The following CTNNA3 variants were observed in gnomAD, a reference collection of about 807,000 sequenced individuals.
CTNNA3 encodes catenin alpha-3.
A neutral mutation model predicts 95.7 loss-of-function variants in CTNNA3; 76 were observed. The ratio of observed to expected loss-of-function variants is 0.79; its 90% confidence interval spans 0.66 to 0.96. The LOEUF is 0.96. Ranked by LOEUF, CTNNA3 falls within the 40% of genes least tolerant of loss-of-function variation. The probability of loss-of-function intolerance (pLI) is 0.00; values close to 1 mark genes in which losing one functional copy is unlikely to be tolerated. For synonymous variants in CTNNA3, 431 were observed against 374.4 expected, an observed-to-expected ratio of 1.15 and a Z score of -1.74; for missense variants, 1,191 against 1,089.8, an observed-to-expected ratio of 1.09 and a Z score of -1.31.
intron 5 of CTNNA3, among the ~76,000 whole-genome samples, chr10:67,307,621 C>T (rs1332209261): frequency 6.6e-6 from 1 of 152,136 alleles, no homozygotes; most frequent in African/African-American, 2.4e-5. Flanking sequence ...GAAGACTATC[C>T]TTGAAAAGCT....
At chr10:66,911,881 G>A (rs1846237066) in intron 7 of CTNNA3, among the ~76,000 whole-genome samples, 1 of 152,070 alleles carries the variant, frequency 6.6e-6, no homozygotes, top group Non-Finnish European at 1.5e-5. Flanking sequence ...TAAGAATCAG[G>A]ACTAATGGCC....
At chr10:66,336,806 T>G (rs57126226) in intron 12 of CTNNA3, among the ~76,000 whole-genome samples, 56 of 152,218 alleles carry the variant, frequency 3.7e-4, no homozygotes, top group African/African-American at 1.3e-3. Context: ...ATAGCAATGC[T>G]TCTCAAAGAG....
At chr10:67,036,077 T>A (rs566845000) in intron 7 of CTNNA3, among the ~76,000 whole-genome samples, 1 of 152,330 alleles carries the variant, frequency 6.6e-6, no homozygotes, top group South Asian at 2.1e-4. Flanking sequence ...TGACCTTATT[T>A]CTATTAGAGA....
chr10:66,346,232 TATATATATATATATAGAGAG>T (rs1341815990), intron 12 of CTNNA3, among the ~76,000 whole-genome samples: 3,708 of 60,588 alleles, frequency 0.061, 43 homozygotes, highest in Middle Eastern at 0.095. Flanking sequence ...TATATATATA[TATATATATATATATAGAGAG>T]AGAGAGAGAG....
At chr10:65,932,894 T>C (rs2077277011) in intron 17 of CTNNA3, among the ~76,000 whole-genome samples, 1 of 152,122 alleles carries the variant, frequency 6.6e-6, no homozygotes, top group Non-Finnish European at 1.5e-5. Context: ...CAAATGTGAT[T>C]GCTCGCTCAT....
chr10:67,617,427 C>T (rs1334520448), intron 2 of CTNNA3, among the ~76,000 whole-genome samples: 3 of 152,112 alleles, frequency 2.0e-5, no homozygotes, highest in Non-Finnish European at 4.4e-5. Flanking sequence ...CTGCAAAGGA[C>T]ATGATCTCAT....
chr10:66,785,152 T>C (rs1291310856), intron 7 of CTNNA3, among the ~76,000 whole-genome samples: 1 of 152,178 alleles, frequency 6.6e-6, no homozygotes, highest in Non-Finnish European at 1.5e-5. Flanking sequence ...CAAGGAGTTA[T>C]AGAAACATCT....
intron 1 of CTNNA3, among the ~76,000 whole-genome samples, chr10:67,661,250 A>G (rs1289620856): frequency 6.8e-6 from 1 of 146,072 alleles, no homozygotes; most frequent in Admixed American, 6.8e-5. Context: ...CAAAAAAAAA[A>G]GAGAGAGAGA....
chr10:66,809,840 T>C (rs117798590), intron 7 of CTNNA3, among the ~76,000 whole-genome samples: 1 of 151,350 alleles, frequency 6.6e-6, no homozygotes, highest in African/African-American at 2.4e-5. Context: ...GTCTCGCCCT[T>C]GTCCTCCAGG....
At chr10:66,449,979 T>C (rs2093451705) in intron 11 of CTNNA3, among the ~76,000 whole-genome samples, 1 of 151,846 alleles carries the variant, frequency 6.6e-6, no homozygotes, top group South Asian at 2.1e-4. Context: ...GTTATCATAT[T>C]CTCCATCAGA....
At chr10:67,716,222 A>G (rs574310315) in intron 1 of CTNNA3, among the ~76,000 whole-genome samples, 12 of 152,328 alleles carry the variant, frequency 7.9e-5, no homozygotes, top group Admixed American at 7.8e-4. Flanking sequence ...AGAGATTTTC[A>G]GGTATCCCTA....
In CTNNA3 at chr10:66,012,190, A is replaced by G. The variant is rs553232943; in HGVS notation, c.2160-23393T>C. Reference sequence around the variant, plus strand: ...CTTGAAATCAAATAGGGAAAAGAGTAAAGTTAAAAAAACAAATGAACATGT... The same window carrying G: ...CTTGAAATCAAATAGGGAAAAGAGTGAAGTTAAAAAAACAAATGAACATGT... On this transcript the variant is annotated intron_variant, in intron 15 of 17. Transcript: ENST00000433211. 2.6e-5 allele frequency among the ~76,000 whole-genome samples: 4 copies of G among 152,356 alleles called. No individual in the cohort carries two copies. In the South Asian group the frequency reaches 6.2e-4, roughly 24 times the overall value.
intron 5 of CTNNA3, among the ~76,000 whole-genome samples, chr10:67,361,169 A>C (rs1178125919): frequency 6.6e-6 from 1 of 152,184 alleles, no homozygotes; most frequent in East Asian, 1.9e-4. Flanking sequence ...AGATAGTCAC[A>C]TAATAGAGGA....
At chr10:67,213,054 T>C (rs1864202353) in intron 6 of CTNNA3, among the ~76,000 whole-genome samples, 1 of 151,900 alleles carries the variant, frequency 6.6e-6, no homozygotes, top group Non-Finnish European at 1.5e-5. Flanking sequence ...TATAGTATTC[T>C]ATCAAACTAT....
chr10:66,441,124 G>A (rs2093372464), intron 11 of CTNNA3, among the ~76,000 whole-genome samples: 1 of 152,120 alleles, frequency 6.6e-6, no homozygotes, highest in Non-Finnish European at 1.5e-5. Flanking sequence ...TTTGAGGCCA[G>A]GAGTTTGAGA....
intron 9 of CTNNA3, among the ~76,000 whole-genome samples, chr10:66,750,661 T>C (rs1839095559): frequency 2.6e-5 from 4 of 152,222 alleles, no homozygotes; most frequent in African/African-American, 7.2e-5. Context: ...CCTCCAATGT[T>C]GTACTTCTCT....
At chr10:67,179,969 C>T (rs191300365) in intron 7 of CTNNA3, among the ~76,000 whole-genome samples, 1 of 152,256 alleles carries the variant, frequency 6.6e-6, no homozygotes, top group East Asian at 1.9e-4. Flanking sequence ...CTAACTTGAT[C>T]CTGAGCAATC....
chr10:67,439,141 CT>C (rs1264252529), intron 5 of CTNNA3, among the ~76,000 whole-genome samples: 2 of 152,064 alleles, frequency 1.3e-5, no homozygotes. Flanking sequence ...CTCTTTCCTT[CT>C]GCTTGAGGAG....
chr10:66,120,487 C>CT (rs1024462160), intron 13 of CTNNA3, among the ~76,000 whole-genome samples: 5 of 152,026 alleles, frequency 3.3e-5, no homozygotes, highest in South Asian at 2.1e-4. Context: ...TTAATTATGT[C>CT]TTTTTTTGTT....
Sources: allele counts gnomAD v4.1 joint callset (sites outside exome capture counted in the v4.1 genomes callset), GRCh38; gene constraint gnomAD v4.1.1; transcripts MANE v1.5; gene names NCBI Gene and HGNC (gene_info 2026-07-23, HGNC 2026-07-21).